NUP93: variants seen among roughly 807,000 people sequenced by gnomAD.
NUP93 encodes nucleoporin 93.
A neutral mutation model predicts 107.8 loss-of-function variants in NUP93; 55 were observed. The observed-to-expected ratio is 0.51, with a 90% CI of 0.41 to 0.64. NUP93 has a LOEUF of 0.64. Ranked by LOEUF, NUP93 falls within the 30% of genes least tolerant of loss-of-function variation. The pLI is 0.00. For synonymous variants in NUP93, 390 were observed against 397.5 expected, an observed-to-expected ratio of 0.98 and a Z score of 0.22; for missense variants, 937 against 1,044.7, an observed-to-expected ratio of 0.90 and a Z score of 1.42.
At chr16:56,808,763 T>C (rs1363878395) in intron 5 of NUP93, among the ~76,000 whole-genome samples, 1 of 142,904 alleles carries the variant, frequency 7.0e-6, no homozygotes, top group Non-Finnish European at 1.5e-5. Context: ...TATATAAAAA[T>C]ACATATATAT....
chr16:56,832,792 A>G (rs1963822969), intron 12 of NUP93, among the ~76,000 whole-genome samples: 1 of 152,208 alleles, frequency 6.6e-6, no homozygotes, highest in Non-Finnish European at 1.5e-5. Flanking sequence ...AAGATTCCAA[A>G]TAGTGGTTAC....
At chr16:56,739,853 C>T (rs1211908143) in intron 1 of NUP93, among the ~76,000 whole-genome samples, 6 of 16,426 alleles carry the variant, frequency 3.7e-4, no homozygotes, top group Admixed American at 6.3e-4. Flanking sequence ...GGAGGGCTCA[C>T]CCCCCGACCT....
At chr16:56,825,495 G>T (rs766749165) in intron 8 of NUP93, among the ~76,000 whole-genome samples, 1 of 151,982 alleles carries the variant, frequency 6.6e-6, no homozygotes, top group East Asian at 1.9e-4. Flanking sequence ...GTAAGCCACC[G>T]TGCCTGGCCT....
At chr16:56,808,490 G>GTAACTAAAATATATAGTTATA in intron 5 of NUP93, among the ~76,000 whole-genome samples, 1 of 99,304 alleles carries the variant, frequency 1.0e-5, no homozygotes, top group African/African-American at 4.2e-5. Flanking sequence ...ATATAGTTAT[G>GTAACTAAAATATATAGTTATA]TAACTATATA....
chr16:56,831,804 G>A, intron 10 of NUP93, 38 bp from the exon 11 acceptor site: 2 of 1,591,604 alleles, frequency 1.3e-6, no homozygotes, highest in South Asian at 1.1e-5. Flanking sequence ...GATTTTTATT[G>A]AGTATGTATC....
Position 56,768,880 on chromosome 16 carries a change from A to AAAT in NUP93, c.297+10226_297+10227insATA, listed in dbSNP as rs1230405171. Among the ~76,000 whole-genome samples the AAAT allele has an allele frequency of 2.6e-5, 4 of 151,660 alleles. No homozygotes were observed. The South Asian group carries it at 6.3e-4, about 24-fold the overall frequency. ...AGACTCTGTCTCAAAAAAAAAAAAA[A>AAAT]ATTGACTTTTGTCTTACCCCAGCTA... On this transcript the variant is annotated intron_variant, in intron 3 of 21. Transcript: ENST00000308159.
chr16:56,798,414 C>T, intron 3 of NUP93, 62 bp from the exon 4 acceptor site: 1 of 1,370,040 alleles, frequency 7.3e-7, no homozygotes, highest in East Asian at 2.3e-5. Context: ...GTTTGCCCTG[C>T]AGTATACTTT....
chr16:56,839,600 A>G lies in NUP93; in HGVS notation c.2216A>G (p.Asp739Gly). 6.2e-7 allele frequency: 1 copy of G among 1,611,930 alleles called. No individual in the cohort carries two copies. The highest frequency in any genetic ancestry group is 8.5e-7 in the Non-Finnish European group (1 of 1,178,048). The change falls in exon 20 of 22, where the codon GAT becomes GGT. Residue 739 changes from aspartate to glycine, a missense_variant. Asp to Gly is a moderately conservative substitution (Grantham distance 94). Transcript: ENST00000308159. ...GTGGCTGCCTTCAGAAATTTCAGTG[A>G]TGAAGTAAGTTCCTTCTTCCTGAGT... ...ERVAAFRNFS[D>G]EIRHNLSEVL...
chr16:56,801,777 G>T (rs35315329), intron 4 of NUP93, among the ~76,000 whole-genome samples: 1 of 152,194 alleles, frequency 6.6e-6, no homozygotes, highest in Non-Finnish European at 1.5e-5. Flanking sequence ...CATACTTTCA[G>T]ATATATCTGA....
At chr16:56,742,305 A>G (rs1317981440) in intron 1 of NUP93, among the ~76,000 whole-genome samples, 1 of 152,252 alleles carries the variant, frequency 6.6e-6, no homozygotes, top group Admixed American at 6.5e-5. Context: ...TTACTTATCA[A>G]GTCTAGCTTA....
Position 56,748,290 on chromosome 16 carries a change from C to A in NUP93, c.43C>A (p.Gln15Lys), listed in dbSNP as rs1161557773. ...TGGTGAGCTCCTTCAGCAAGCTGAA[C>A]AGCTTGCTGCTGAGACTGAGGGCAT... ...GFGELLQQAE[Q>K]LAAETEGISE... The change falls in exon 2 of 22, where the codon CAG (glutamine) becomes AAG (lysine). Residue 15 changes from glutamine to lysine, a missense_variant. Coordinates refer to ENST00000308159, the MANE Select transcript of NUP93 (RefSeq NM_014669.5). The A allele has an allele frequency of 6.2e-7, 1 of 1,613,824 alleles. No homozygotes were observed. Among genetic ancestry groups the A allele is most frequent in the Admixed American group, 1.7e-5 (1 of 59,998 alleles).
intron 16 of NUP93, 54 bp downstream of exon 16, chr16:56,834,832 A>G: frequency 1.5e-6 from 2 of 1,316,588 alleles, no homozygotes; most frequent in South Asian, 2.5e-5. Flanking sequence ...GGATTTATAA[A>G]TATCAAAAAA....
At chr16:56,802,630 A>C (rs1428975614) in intron 4 of NUP93, among the ~76,000 whole-genome samples, 2 of 152,326 alleles carry the variant, frequency 1.3e-5, no homozygotes, top group Admixed American at 6.5e-5. Flanking sequence ...ACATTTTAAT[A>C]AATATTGGTC....
intron 15 of NUP93, 94 bp from the exon 16 acceptor site, chr16:56,834,640 A>G: frequency 1.7e-6 from 2 of 1,182,566 alleles, no homozygotes; most frequent in South Asian, 2.7e-5. Flanking sequence ...TATCCCATTC[A>G]TCCCATTTGA....
intron 6 of NUP93, among the ~76,000 whole-genome samples, chr16:56,820,621 C>T (rs761551684): frequency 2.0e-5 from 3 of 152,212 alleles, no homozygotes; most frequent in Non-Finnish European, 2.9e-5. Context: ...CCAGCGAAAC[C>T]GTTTAATCTT....
chr16:56,825,863 A>G (rs1274430241), intron 8 of NUP93, among the ~76,000 whole-genome samples: 1 of 152,144 alleles, frequency 6.6e-6, no homozygotes, highest in Admixed American at 6.5e-5. Flanking sequence ...GTATTTTAGA[A>G]TAATTATACT....
intron 4 of NUP93, among the ~76,000 whole-genome samples, chr16:56,798,819 C>T (rs920965187): frequency 6.6e-6 from 1 of 150,682 alleles, no homozygotes; most frequent in Non-Finnish European, 1.5e-5. Flanking sequence ...TGAGCCGAGT[C>T]GCGCCACTGC....
Position 56,844,672 on chromosome 16 carries a change from T to G in NUP93, c.*63T>G. On this transcript the variant is annotated 3_prime_UTR_variant, in exon 22 of 22. Coordinates refer to ENST00000308159, the MANE Select transcript of NUP93 (RefSeq NM_014669.5). Reference sequence around the variant, plus strand: ...CAGTACATCAGGCACATGGGCCCACTAGGCTGGGGTTTCTGGTTTTGTTTC... The same window carrying G: ...CAGTACATCAGGCACATGGGCCCACGAGGCTGGGGTTTCTGGTTTTGTTTC... 1.0e-6 allele frequency: 1 copy of G among 960,922 alleles called. No individual in the cohort carries two copies. Among genetic ancestry groups the G allele is most frequent in the Non-Finnish European group, 1.5e-6 (1 of 658,308 alleles). The allele number at this position is 960,922 out of a possible 1,614,324, so 59.5% of individuals were successfully genotyped here. A position where few individuals can be genotyped will look rare whatever the true frequency, so the allele number is the denominator to read the frequency against.
intron 2 of NUP93, among the ~76,000 whole-genome samples, chr16:56,752,110 C>G (rs1176057761): frequency 4.6e-5 from 7 of 152,042 alleles, no homozygotes; most frequent in African/African-American, 1.7e-4. Flanking sequence ...TCTCAAAATC[C>G]TGGTATATAT....
Sources: allele counts gnomAD v4.1 joint callset (sites outside exome capture counted in the v4.1 genomes callset), GRCh38; gene constraint gnomAD v4.1.1; transcripts MANE v1.5; gene names NCBI Gene and HGNC (gene_info 2026-07-23, HGNC 2026-07-21).